MCTP1: variants seen among roughly 807,000 people sequenced by gnomAD.
The protein encoded by MCTP1 is multiple C2 and transmembrane domain containing 1.
In MCTP1, 69 loss-of-function variants were observed where a neutral mutation model predicts 120.6. The ratio of observed to expected loss-of-function variants is 0.57; its 90% CI spans 0.47 to 0.70. The LOEUF (loss-of-function observed/expected upper bound fraction) is 0.70. Among genes scored for constraint, MCTP1 ranks in the 30% least tolerant of loss-of-function variants. MCTP1 has a pLI of 0.00. For synonymous variants in MCTP1, 529 were observed against 493.1 expected, an observed-to-expected ratio of 1.07 and a Z score of -0.96; for missense variants, 1,203 against 1,248.8, an observed-to-expected ratio of 0.96 and a Z score of 0.55.
intron 2 of MCTP1, among the ~76,000 whole-genome samples, chr5:95,005,441 G>A (rs1219811325): frequency 3.3e-5 from 5 of 152,068 alleles, no homozygotes; most frequent in African/African-American, 1.2e-4. Flanking sequence ...CCAGGGGGTG[G>A]AATATTATGG....
At chr5:94,800,769 CAAA>C (rs1781065424) in intron 17 of MCTP1, among the ~76,000 whole-genome samples, 1 of 151,740 alleles carries the variant, frequency 6.6e-6, no homozygotes, top group Non-Finnish European at 1.5e-5. Flanking sequence ...AAGTGGGCAC[CAAA>C]AAGCATAAAT....
At chr5:94,971,010 G>A (rs1227206727) in intron 2 of MCTP1, among the ~76,000 whole-genome samples, 4 of 151,938 alleles carry the variant, frequency 2.6e-5, no homozygotes, top group Admixed American at 2.0e-4. Context: ...ATGATTCTGG[G>A]ATTTTCTTCT....
At chr5:94,756,084 A>G (rs984174344) in intron 19 of MCTP1, among the ~76,000 whole-genome samples, 3 of 152,174 alleles carry the variant, frequency 2.0e-5, no homozygotes, top group Admixed American at 6.5e-5. Flanking sequence ...TATTACTCCT[A>G]TTAGACCTAG....
chr5:94,915,724 G>A (rs1809885046), intron 8 of MCTP1, among the ~76,000 whole-genome samples: 1 of 151,914 alleles, frequency 6.6e-6, no homozygotes, highest in African/African-American at 2.4e-5. Context: ...GAGTGAGGGA[G>A]AGAAAAGCCA....
chr5:94,708,302 T>C, intron 22 of MCTP1: 1 of 392,186 alleles, frequency 2.5e-6, no homozygotes, highest in Non-Finnish European at 4.6e-6. Context: ...AGGTTCTTTA[T>C]GCAACTGCTC....
intron 1 of MCTP1, among the ~76,000 whole-genome samples, chr5:95,251,104 C>G (rs982892145): frequency 6.6e-6 from 1 of 152,056 alleles, no homozygotes; most frequent in African/African-American, 2.4e-5. Context: ...CGGACAGAGA[C>G]AAGTGCTATA....
At chr5:95,135,277 AG>A (rs1416675693) in intron 1 of MCTP1, among the ~76,000 whole-genome samples, 1 of 152,214 alleles carries the variant, frequency 6.6e-6, no homozygotes, top group Non-Finnish European at 1.5e-5. Flanking sequence ...CAAATCACAA[AG>A]AAAGAAAGAA....
chr5:94,757,342 T>G (rs1431782007), intron 19 of MCTP1, among the ~76,000 whole-genome samples: 2 of 152,100 alleles, frequency 1.3e-5, no homozygotes, highest in Non-Finnish European at 2.9e-5. Context: ...AAGGCAGACC[T>G]CAACAGAGGC....
chr5:94,783,024 TG>T (rs1168331158), intron 18 of MCTP1, among the ~76,000 whole-genome samples: 2 of 152,124 alleles, frequency 1.3e-5, no homozygotes, highest in African/African-American at 4.8e-5. Context: ...ATCAGAAAGA[TG>T]TAATGCAAGC....
intron 1 of MCTP1, among the ~76,000 whole-genome samples, chr5:95,072,958 G>T (rs1341480662): frequency 1.3e-5 from 2 of 151,956 alleles, no homozygotes; most frequent in Non-Finnish European, 2.9e-5. Context: ...TGTTAGCCAG[G>T]ATGGTCTCGA....
chr5:94,777,369 G>A (rs1269852259), intron 19 of MCTP1, among the ~76,000 whole-genome samples: 1 of 152,144 alleles, frequency 6.6e-6, no homozygotes, highest in East Asian at 1.9e-4. Flanking sequence ...GGTTAACCAG[G>A]TGTGCCTATT....
intron 1 of MCTP1, among the ~76,000 whole-genome samples, chr5:95,136,590 A>C (rs576378555): frequency 6.6e-6 from 1 of 152,326 alleles, no homozygotes; most frequent in Admixed American, 6.5e-5. Flanking sequence ...GAAGGAAGTC[A>C]AGAAGAGAGA....
intron 19 of MCTP1, among the ~76,000 whole-genome samples, chr5:94,755,025 G>A (rs1253135319): frequency 6.6e-6 from 1 of 152,128 alleles, no homozygotes; most frequent in Non-Finnish European, 1.5e-5. Flanking sequence ...GCAGCCCCAG[G>A]GAGGCCTTGA....
intron 19 of MCTP1, among the ~76,000 whole-genome samples, chr5:94,734,737 G>A (rs186034952): frequency 1.3e-5 from 2 of 152,166 alleles, no homozygotes; most frequent in African/African-American, 4.8e-5. Context: ...GATTACAGAT[G>A]TGAGTGAGGC....
intron 2 of MCTP1, among the ~76,000 whole-genome samples, chr5:94,997,144 C>G (rs895242492): frequency 6.6e-6 from 1 of 152,120 alleles, no homozygotes; most frequent in African/African-American, 2.4e-5. Flanking sequence ...TGCCCCCACA[C>G]TTGCATAGCC....
At chr5:94,786,524 A>C (rs1777740428) in intron 18 of MCTP1, among the ~76,000 whole-genome samples, 1 of 152,196 alleles carries the variant, frequency 6.6e-6, no homozygotes, top group South Asian at 2.1e-4. Context: ...ATTGTAGCAT[A>C]AAAGCCTGAA....
Position 95,063,543 on chromosome 5 carries a change from T to C in MCTP1, c.721-46059A>G, listed in dbSNP as rs574350735. ...AGCTCACAAGGAAACATTTATTTAA[T>C]CTGCATTTTTAAAAAGAAGATAGAA... On this transcript the variant is annotated intron_variant, in intron 1 of 22. Transcript: ENST00000515393. 2.0e-5 allele frequency among the ~76,000 whole-genome samples: 3 copies of C among 152,384 alleles called. No homozygotes were observed. In the South Asian group the frequency reaches 6.2e-4, roughly 32 times the overall value.
intron 1 of MCTP1, among the ~76,000 whole-genome samples, chr5:95,246,406 C>T (rs907701162): frequency 9.9e-5 from 15 of 151,968 alleles, no homozygotes; most frequent in African/African-American, 3.6e-4. Context: ...AGTCAGGAGA[C>T]CCATCTCACA....
intron 19 of MCTP1, among the ~76,000 whole-genome samples, chr5:94,751,116 CG>C (rs1229568128): frequency 4.6e-5 from 7 of 151,982 alleles, no homozygotes; most frequent in African/African-American, 1.5e-4. Context: ...AAATACTGGC[CG>C]GGCTGAAGTA....
Sources: gnomAD v4.1 joint callset for allele counts (sites outside exome capture counted in the v4.1 genomes callset) on GRCh38, gnomAD v4.1.1 for gene constraint, MANE v1.5 for transcripts, NCBI Gene and HGNC (gene_info 2026-07-23, HGNC 2026-07-21) for gene names.